PTPRZ1: variants seen among roughly 807,000 people sequenced by gnomAD.
PTPRZ1 encodes the protein protein tyrosine phosphatase receptor type Z1, also known as receptor-type tyrosine-protein phosphatase zeta.
PTPRZ1 carries 82 observed loss-of-function variants against 214.1 expected under a neutral mutation model. The observed-to-expected ratio is 0.38, with a 90% CI of 0.32 to 0.46. The LOEUF is 0.46. PTPRZ1 is among the 20% of genes least tolerant of loss of function. The pLI, the probability that PTPRZ1 is intolerant of heterozygous loss-of-function variation, is 1.00. For synonymous variants in PTPRZ1, 945 were observed against 987.9 expected (o/e 0.96, Z 0.81); for missense variants, 2,603 against 2,748.7 (o/e 0.95, Z 1.19).
intron 11 of PTPRZ1, among the ~76,000 whole-genome samples, chr7:122,010,092 T>C (rs1798600671): frequency 6.6e-6 from 1 of 152,202 alleles, no homozygotes; most frequent in Admixed American, 6.5e-5. Context: ...ATTTAACCAC[T>C]TCTTTCCATA....
intron 1 of PTPRZ1, among the ~76,000 whole-genome samples, chr7:121,912,490 T>C (rs1470174739): frequency 6.6e-6 from 1 of 152,186 alleles, no homozygotes; most frequent in East Asian, 1.9e-4. Flanking sequence ...AAGAGAGACA[T>C]ACAGGTGTAT....
chr7:121,891,878 T>C (rs1278813954), intron 1 of PTPRZ1, among the ~76,000 whole-genome samples: 1 of 152,160 alleles, frequency 6.6e-6, no homozygotes, highest in Non-Finnish European at 1.5e-5. Flanking sequence ...TTCTGAGTCC[T>C]GCACTACAGC....
chr7:122,044,485 C>G lies in PTPRZ1; in HGVS notation c.6001C>G (p.Leu2001Val), dbSNP rs760642364. The G allele has an allele frequency of 1.3e-5, 21 of 1,613,790 alleles. No individual in the cohort carries two copies. Among genetic ancestry groups the G allele is most frequent in the Non-Finnish European group, 1.8e-5 (21 of 1,179,830 alleles). ...EAILSKETEV[L>V]DSHIHAYVNA... ...CATACTTAGTAAAGAAACTGAGGTG[C>G]TGGACAGTCATATTCATGCCTATGT... The change falls in exon 23 of 30, where the codon CTG (leucine) becomes GTG (valine). Residue 2001 changes from leucine to valine, a missense_variant. Transcript: ENST00000393386.
At chr7:122,002,802 C>T (rs1798369369) in intron 10 of PTPRZ1, among the ~76,000 whole-genome samples, 1 of 152,084 alleles carries the variant, frequency 6.6e-6, no homozygotes, top group Non-Finnish European at 1.5e-5. Flanking sequence ...AGCCTCTTGG[C>T]AGAGGAAAAG....
chr7:122,010,501 A>G lies in PTPRZ1; in HGVS notation c.1455A>G (p.Arg485=), dbSNP rs1446858179. Residue 485 remains arginine, a synonymous_variant, in exon 12 of 30, where the codon AGA becomes AGG. Coordinates refer to ENST00000393386, the MANE Select transcript of PTPRZ1 (RefSeq NM_002851.3). ...CCAAGACTAACCGATCCCCAACAAG[A>G]GGAAGTGAATTCTCTGGAAAGGGTG... ...NEAKTNRSPT[R]GSEFSGKGDV... The G allele has an allele frequency of 1.2e-6, 2 of 1,613,984 alleles. No individual in the cohort carries two copies. The highest frequency in any genetic ancestry group is 1.7e-6 in the Non-Finnish European group (2 of 1,179,968).
chr7:121,956,294 C>A (rs1796701634), intron 2 of PTPRZ1, among the ~76,000 whole-genome samples: 1 of 152,132 alleles, frequency 6.6e-6, no homozygotes, highest in Non-Finnish European at 1.5e-5. Flanking sequence ...ATTAAAGACA[C>A]TTTCCATAAA....
Position 122,012,712 on chromosome 7 carries a change from G to A in PTPRZ1, c.3666G>A (p.Leu1222=), listed in dbSNP as rs1338335911. Reference sequence around the variant, plus strand: ...TTGATAAAATTAGTTCTACAATGTTGCATCTCATTGTATCAAATTCTGCTT... The same window carrying A: ...TTGATAAAATTAGTTCTACAATGTTACATCTCATTGTATCAAATTCTGCTT... The part of the protein sequence containing the change: ...PKVDKISSTM[L]HLIVSNSASS... Residue 1222 remains leucine (L), a synonymous_variant, in exon 12 of 30, where the codon TTG becomes TTA. Coordinates refer to ENST00000393386, the MANE Select transcript of PTPRZ1 (RefSeq NM_002851.3). 5 of 1,605,474 alleles carry A rather than the reference G, an allele frequency of 3.1e-6. No individual in the cohort carries two copies. The highest frequency in any genetic ancestry group is 3.3e-5 in the Admixed American group (2 of 59,976).
chr7:121,938,291 C>A (rs778781295), intron 2 of PTPRZ1, among the ~76,000 whole-genome samples: 3 of 152,296 alleles, frequency 2.0e-5, no homozygotes, highest in Middle Eastern at 3.4e-3. Flanking sequence ...CTCACCCCCC[C>A]ATATAGCCAA....
At position 121,993,970 on chromosome 7, in the gene PTPRZ1, T is replaced by C. The variant is rs117180574; in HGVS notation, c.929-2412T>C. Among the ~76,000 whole-genome samples the C allele has an allele frequency of 5.1e-3, 774 of 152,324 alleles. 3 individuals are homozygous for C. The highest frequency in any genetic ancestry group is 0.014 in the Middle Eastern group (4 of 294). On this transcript the variant is annotated intron_variant, in intron 8 of 29. Transcript: ENST00000393386. ...CACAGGTATTTAAAAAGTAAATTTC[T>C]AATTAAAATATAAACTCAAGCTATT...
chr7:121,972,441 A>G, intron 3 of PTPRZ1, 100 bp from the exon 4 acceptor site: 2 of 1,208,724 alleles, frequency 1.7e-6, no homozygotes, highest in Non-Finnish European at 2.3e-6. Context: ...TTTATCAAAT[A>G]AATGATTTTT....
At chr7:122,041,536 T>A (rs1406532789) in intron 21 of PTPRZ1, among the ~76,000 whole-genome samples, 1 of 152,208 alleles carries the variant, frequency 6.6e-6, no homozygotes, top group East Asian at 1.9e-4. Context: ...TTGCCAAGAT[T>A]TTTTAATTTC....
intron 2 of PTPRZ1, among the ~76,000 whole-genome samples, chr7:121,946,326 A>T (rs1046214211): frequency 3.9e-5 from 6 of 152,188 alleles, no homozygotes; most frequent in African/African-American, 1.4e-4. Context: ...GAATCCTAAG[A>T]CCTGTACCCC....
chr7:121,966,120 T>G (rs1368523073), intron 2 of PTPRZ1, among the ~76,000 whole-genome samples: 2 of 72,062 alleles, frequency 2.8e-5, no homozygotes, highest in African/African-American at 6.1e-5. Context: ...GGATAACTTC[T>G]TACTTCAGGG....
chr7:121,931,411 A>G (rs1795919957), intron 2 of PTPRZ1, among the ~76,000 whole-genome samples: 1 of 152,182 alleles, frequency 6.6e-6, no homozygotes, highest in Non-Finnish European at 1.5e-5. Flanking sequence ...CCAAGTATGT[A>G]TGAGTAAAAT....
At chr7:122,052,215 CT>C (rs1416920366) in intron 25 of PTPRZ1, among the ~76,000 whole-genome samples, 4 of 152,248 alleles carry the variant, frequency 2.6e-5, no homozygotes, top group South Asian at 4.1e-4. Flanking sequence ...AAACTTATAC[CT>C]GCTTATCTAA....
At chr7:121,881,694 T>TCCTC (rs1794243811) in intron 1 of PTPRZ1, among the ~76,000 whole-genome samples, 1 of 152,188 alleles carries the variant, frequency 6.6e-6, no homozygotes, top group Non-Finnish European at 1.5e-5. Context: ...AGGAGTATGC[T>TCCTC]CTATGGTGAT....
intron 1 of PTPRZ1, among the ~76,000 whole-genome samples, chr7:121,897,266 T>A (rs561586986): frequency 6.6e-6 from 1 of 152,304 alleles, no homozygotes; most frequent in East Asian, 1.9e-4. Flanking sequence ...TTTAACCTCA[T>A]ACCCTTCAGT....
chr7:121,925,565 C>T (rs1795731210), intron 1 of PTPRZ1, among the ~76,000 whole-genome samples: 1 of 152,106 alleles, frequency 6.6e-6, no homozygotes, highest in African/African-American at 2.4e-5. Context: ...TTACTCAAGG[C>T]TGTTGCAGTA....
chr7:122,032,111 A>G (rs1799397050), intron 15 of PTPRZ1: 1 of 152,178 alleles, frequency 6.6e-6, no homozygotes, highest in South Asian at 2.1e-4. Context: ...ACTCTTAGAC[A>G]GAAGGGCAGA....
Sources: allele counts gnomAD v4.1 joint callset (sites outside exome capture counted in the v4.1 genomes callset), GRCh38; gene constraint gnomAD v4.1.1; transcripts MANE v1.5; gene names NCBI Gene and HGNC (gene_info 2026-07-23, HGNC 2026-07-21).